The following VSTM5 variants were observed in gnomAD, a reference collection of about 807,000 sequenced individuals.
VSTM5 encodes V-set and transmembrane domain containing 5.
A neutral mutation model predicts 20.3 loss-of-function variants in VSTM5; 21 were observed. The ratio of observed to expected loss-of-function variants is 1.03; its 90% CI spans 0.73 to 1.49. The LOEUF is 1.49. Among genes scored for constraint, VSTM5 ranks in the 40% most tolerant of loss-of-function variants. The pLI is 0.00. For synonymous variants in VSTM5, 100 were observed against 102.5 expected (o/e 0.98, Z 0.14); for missense variants, 219 against 250.0 (o/e 0.88, Z 0.84).
At chr11:93,840,960 A>C (rs931761451) in intron 1 of VSTM5, among the ~76,000 whole-genome samples, 19 of 152,162 alleles carry the variant, frequency 1.2e-4, no homozygotes, top group Non-Finnish European at 2.8e-4. Flanking sequence ...TCCTAAAGTT[A>C]AATAAAAGGG....
chr11:93,825,972 C>A (rs1015855041), intron 1 of VSTM5, among the ~76,000 whole-genome samples: 2 of 151,766 alleles, frequency 1.3e-5, no homozygotes, highest in African/African-American at 4.8e-5. Flanking sequence ...CTCAGTGGCT[C>A]ACGTCTGTAA....
At chr11:93,838,280 C>T (rs1944339886) in intron 1 of VSTM5, among the ~76,000 whole-genome samples, 1 of 152,006 alleles carries the variant, frequency 6.6e-6, no homozygotes, top group African/African-American at 2.4e-5. Context: ...CGAGACCAGC[C>T]TGGCCAATGT....
intron 1 of VSTM5, among the ~76,000 whole-genome samples, chr11:93,843,230 T>C (rs918352066): frequency 6.6e-6 from 1 of 152,182 alleles, no homozygotes; most frequent in Non-Finnish European, 1.5e-5. Flanking sequence ...CAGGAAGCCT[T>C]CCCCAATCCC....
rs1425224578 is a variant in VSTM5, at chr11:93,819,356, C to G, written c.*1213G>C. 3 of 152,258 alleles carry G rather than the reference C, an allele frequency of 2.0e-5. No homozygotes were observed. Among genetic ancestry groups the G allele is most frequent in the African/African-American group, 4.8e-5 (2 of 41,464 alleles). The allele number at this position is 152,258 out of a possible 1,614,324, so 9.4% of individuals were successfully genotyped here. ...ATGGAAGTTGGGATGGAGAAACTTA[C>G]AGGTGAACATGGTGACCAACAACCT... On this transcript the variant is annotated 3_prime_UTR_variant, in exon 4 of 4. Transcript: ENST00000409977.
At position 93,850,536 on chromosome 11, in the gene VSTM5, TGCTG is replaced by T; in HGVS notation, c.-38_-35del. The T allele has an allele frequency of 6.7e-7, 1 of 1,501,048 alleles. No individual in the cohort carries two copies. Among genetic ancestry groups the T allele is most frequent in the Non-Finnish European group, 9.0e-7 (1 of 1,109,198 alleles). 93.0% of individuals were successfully genotyped at this position (1,501,048 alleles called of 1,614,324 possible). A position where few individuals can be genotyped will look rare whatever the true frequency, so the allele number is the denominator to read the frequency against. On this transcript the variant is annotated 5_prime_UTR_variant, in exon 1 of 4. Transcript: ENST00000409977. ...CCGGGGCCTCGCGGGCCGGGGTGTG[TGCTG>T]GCCGCACCGCGCTGCAGCTCCTATG...
At chr11:93,850,013 C>T (rs1275925459) in intron 1 of VSTM5, among the ~76,000 whole-genome samples, 2 of 152,242 alleles carry the variant, frequency 1.3e-5, no homozygotes, top group African/African-American at 4.8e-5. Context: ...GGGCGGCGCA[C>T]GGACTGCAAT....
intron 1 of VSTM5, among the ~76,000 whole-genome samples, chr11:93,834,435 C>T (rs1209888923): frequency 2.0e-5 from 3 of 152,050 alleles, no homozygotes; most frequent in East Asian, 1.9e-4. Context: ...GAGGGCTCAT[C>T]CTCTTTGCTG....
chr11:93,843,228 C>T (rs1429892192), intron 1 of VSTM5, among the ~76,000 whole-genome samples: 1 of 152,172 alleles, frequency 6.6e-6, no homozygotes, highest in East Asian at 1.9e-4. Flanking sequence ...TCCAGGAAGC[C>T]TTCCCCAATC....
At chr11:93,832,878 A>G (rs1170769086) in intron 1 of VSTM5, among the ~76,000 whole-genome samples, 3 of 152,318 alleles carry the variant, frequency 2.0e-5, no homozygotes, top group Admixed American at 2.0e-4. Context: ...CTAATAAGGT[A>G]AGGCACTTGA....
At chr11:93,850,314 C>T (rs1944448419) in intron 1 of VSTM5, 98 bp downstream of exon 1, 5 of 1,055,652 alleles carry the variant, frequency 4.7e-6, no homozygotes, top group South Asian at 1.5e-5. Flanking sequence ...ACAAGGTGGG[C>T]GAGGGCCAGG....
At chr11:93,828,401 A>G (rs1944255068) in intron 1 of VSTM5, among the ~76,000 whole-genome samples, 2 of 152,270 alleles carry the variant, frequency 1.3e-5, no homozygotes, top group Admixed American at 1.3e-4. Context: ...GCAATGGGCT[A>G]GAATATAACA....
rs534553741 is a variant in VSTM5 at position 93,842,260 on chromosome 11, A to G, written c.91+8152T>C. On this transcript the variant is annotated intron_variant, in intron 1 of 3. Transcript: ENST00000409977. ...GTTGTACCAGGGATTAAAGCAGAAG[A>G]TCTGAGACCGGGAGTGTTGGAGGAG... 2.6e-5 allele frequency among the ~76,000 whole-genome samples: 4 copies of G among 152,306 alleles called. No individual in the cohort carries two copies. In the South Asian group the frequency reaches 8.3e-4, roughly 32 times the overall value.
rs1272024472 is a variant in VSTM5 at position 93,820,564 on chromosome 11, C to G, written c.*5G>C. ...AGGTAGGAATGCAGTCAGGCCCAGC[C>G]TTGGCTAACACTCAACATCTTCCAG... On this transcript the variant is annotated 3_prime_UTR_variant, in exon 4 of 4. Coordinates refer to ENST00000409977, the MANE Select transcript of VSTM5 (RefSeq NM_001144871.2). 4 of 1,551,908 alleles carry G rather than the reference C, an allele frequency of 2.6e-6. No homozygotes were observed. The highest frequency in any genetic ancestry group is 2.4e-5 in the South Asian group (2 of 84,048).
chr11:93,820,967 AG>A (rs1658560634), intron 2 of VSTM5, 29 bp downstream of exon 2: 4 of 1,551,018 alleles, frequency 2.6e-6, no homozygotes, highest in Middle Eastern at 1.7e-4. Context: ...CACAGTTCAG[AG>A]GGGTGCCCGG....
chr11:93,838,992 C>T (rs582136), intron 1 of VSTM5, among the ~76,000 whole-genome samples: 151,322 of 152,268 alleles, frequency 0.99, 75,209 homozygotes, highest in Middle Eastern at 1. Context: ...ATGCTCCAGC[C>T]CCACTTAGGA....
chr11:93,825,374 T>G (rs1001126391), intron 1 of VSTM5, among the ~76,000 whole-genome samples: 11 of 152,304 alleles, frequency 7.2e-5, no homozygotes, highest in African/African-American at 2.6e-4. Flanking sequence ...TTCACCATGT[T>G]GTACAAGCTG....
chr11:93,843,434 GCA>G (rs1384382787), intron 1 of VSTM5, among the ~76,000 whole-genome samples: 1 of 152,000 alleles, frequency 6.6e-6, no homozygotes, highest in African/African-American at 2.4e-5. Context: ...ACAGTGCCTG[GCA>G]CTGTGGACTT....
intron 1 of VSTM5, among the ~76,000 whole-genome samples, chr11:93,834,746 G>A (rs1944310266): frequency 8.1e-6 from 1 of 124,028 alleles, no homozygotes; most frequent in Admixed American, 8.4e-5. Context: ...TTGTGCCACT[G>A]CACTCCAGCC....
Position 93,829,113 on chromosome 11 carries a change from C to T in VSTM5, c.92-7790G>A, listed in dbSNP as rs545441093. On this transcript the variant is annotated intron_variant, in intron 1 of 3. Coordinates refer to ENST00000409977, the MANE Select transcript of VSTM5 (RefSeq NM_001144871.2). ...CGCAGCCCCCACCACTTACCCTTCT[C>T]TGATCAGGTCTCTGTCACCTGCCTC... Among the ~76,000 whole-genome samples, 10 of 152,340 alleles carry T rather than the reference C, an allele frequency of 6.6e-5. No individual in the cohort carries two copies. The South Asian group carries it at 2.1e-3, about 32-fold the overall frequency.
Sources: allele counts gnomAD v4.1 joint callset (sites outside exome capture counted in the v4.1 genomes callset), GRCh38; gene constraint gnomAD v4.1.1; transcripts MANE v1.5; gene names NCBI Gene and HGNC (gene_info 2026-07-23, HGNC 2026-07-21).